Variants in SOS1 observed in about 807,000 individuals in gnomAD.
SOS1 encodes son of sevenless homolog 1.
In SOS1, 25 loss-of-function variants were observed where a neutral mutation model predicts 157.6. The ratio of observed to expected loss-of-function variants is 0.16; its 90% CI spans 0.12 to 0.22. The LOEUF (loss-of-function observed/expected upper bound fraction) is 0.22, where lower values mean the gene tolerates loss of function less well. Among genes scored for constraint, SOS1 ranks in the 10% least tolerant of loss-of-function variants. SOS1 has a pLI of 1.00. For missense variants in SOS1, 1,237 were observed against 1,599.1 expected (o/e 0.77, Z 3.86); for synonymous variants, 528 against 534.0 (o/e 0.99, Z 0.16).
At chr2:39,092,976 A>G (rs1672644108) in intron 1 of SOS1, among the ~76,000 whole-genome samples, 1 of 152,250 alleles carries the variant, frequency 6.6e-6, no homozygotes, top group South Asian at 2.1e-4. Context: ...CAGAAATTTA[A>G]TGAGGCAATA....
chr2:39,040,967 G>A (rs1056663712), intron 6 of SOS1, among the ~76,000 whole-genome samples: 23 of 152,178 alleles, frequency 1.5e-4, no homozygotes, highest in African/African-American at 4.8e-4. Context: ...AGCAAAATAC[G>A]AGGGTCTCAA....
intron 6 of SOS1, among the ~76,000 whole-genome samples, chr2:39,048,328 T>C (rs1271644255): frequency 6.6e-6 from 1 of 152,238 alleles, no homozygotes; most frequent in African/African-American, 2.4e-5. Context: ...ACCTCTGTTG[T>C]TAAAGAGAAA....
In SOS1 at chr2:39,106,689, C is replaced by A. The variant is rs536907214; in HGVS notation, c.87+13647G>T. Among the ~76,000 whole-genome samples the A allele has an allele frequency of 9.2e-5, 14 of 152,194 alleles. No individual in the cohort carries two copies. The South Asian group carries it at 2.1e-3, about 23-fold the overall frequency. On this transcript the variant is annotated intron_variant, in intron 1 of 22. Transcript: ENST00000402219. ...TATTTTCCCATGTATATCTCCACTCCCAACTCCAACAGGAAGTTACCAGAA... is the reference window on the plus strand; with the variant it reads ...TATTTTCCCATGTATATCTCCACTCACAACTCCAACAGGAAGTTACCAGAA...
intron 1 of SOS1, among the ~76,000 whole-genome samples, chr2:39,089,006 T>C (rs773943768): frequency 6.6e-6 from 1 of 152,226 alleles, no homozygotes; most frequent in Non-Finnish European, 1.5e-5. Flanking sequence ...TTTTAAATAA[T>C]AGCCACCCTA....
chr2:39,015,802 C>CTT (rs1054843148), intron 10 of SOS1, among the ~76,000 whole-genome samples: 3,571 of 87,314 alleles, frequency 0.041, 339 homozygotes, highest in African/African-American at 0.15. Flanking sequence ...AATTGTAAAT[C>CTT]TTTTTTTTTT....
Position 39,013,392 on chromosome 2 carries a change from CAATTGAT to C in SOS1, c.2167+61_2167+67del, listed in dbSNP as rs1669529107. On this transcript the variant is annotated intron_variant, in intron 13 of 22. Coordinates refer to ENST00000402219, the MANE Select transcript of SOS1 (RefSeq NM_005633.4). ...TTACATTACTGAGCCCCAATGACAT[CAATTGAT>C]AGTCACCGTGTTGGTACTTTTATTA... 18 of 916,686 alleles carry C rather than the reference CAATTGAT, an allele frequency of 2.0e-5. No individual in the cohort carries two copies. In the South Asian group the frequency reaches 2.4e-4, roughly 12 times the overall value. The allele number at this position is 916,686 out of a possible 1,614,324, so 56.8% of individuals were successfully genotyped here.
chr2:39,016,656 A>G (rs981488785), intron 10 of SOS1, among the ~76,000 whole-genome samples: 12 of 152,110 alleles, frequency 7.9e-5, no homozygotes, highest in Non-Finnish European at 1.5e-4. Flanking sequence ...CCATACCCGC[A>G]GTACAGAGTA....
intron 6 of SOS1, among the ~76,000 whole-genome samples, chr2:39,040,078 C>CTCGG (rs1351546056): frequency 6.6e-6 from 1 of 151,940 alleles, no homozygotes; most frequent in Non-Finnish European, 1.5e-5. Context: ...GTGGCGTGAC[C>CTCGG]TCGGCTCACT....
intron 1 of SOS1, among the ~76,000 whole-genome samples, chr2:39,113,715 C>G (rs900210666): frequency 1.3e-5 from 2 of 152,128 alleles, no homozygotes; most frequent in East Asian, 3.9e-4. Context: ...CCAAACAGTT[C>G]AAGGCAAATC....
At chr2:38,987,871 T>G (rs549749412) in intron 21 of SOS1, 7 of 367,796 alleles carry the variant, frequency 1.9e-5, no homozygotes, top group Non-Finnish European at 3.5e-5. Context: ...TTATTGAAAT[T>G]TTTAATTGAG....
At chr2:39,121,769 A>G (rs1205382550), upstream of SOS1, among the ~76,000 whole-genome samples, 1 of 152,224 alleles carries the variant, frequency 6.6e-6, no homozygotes, top group Non-Finnish European at 1.5e-5. Flanking sequence ...GGGCCTCTAC[A>G]CAGTGTAGAA....
chr2:39,043,292 A>G (rs1305481606), intron 6 of SOS1, among the ~76,000 whole-genome samples: 1 of 152,222 alleles, frequency 6.6e-6, no homozygotes, highest in Non-Finnish European at 1.5e-5. Flanking sequence ...GTCAAACCAC[A>G]TAAGAGTAAA....
intron 8 of SOS1, among the ~76,000 whole-genome samples, chr2:39,032,884 G>A (rs760412771): frequency 2.0e-5 from 3 of 152,004 alleles, no homozygotes; most frequent in South Asian, 2.1e-4. Context: ...AGAATCGCTC[G>A]AAGCTGGGAG....
rs1242634479 is a variant in SOS1, at chr2:38,984,656, TTG to T, written c.*1166_*1167del. 2.6e-5 allele frequency: 4 copies of T among 152,182 alleles called. No homozygotes were observed. The highest frequency in any genetic ancestry group is 2.1e-4 in the South Asian group (1 of 4,834). 9.4% of individuals were successfully genotyped at this position (152,182 alleles called of 1,614,324 possible). ...AAACGTGCTTTTATGTTTAGTGTTTTTGTGTGTTTTTCAACTAAAAGAAATAA... is the reference window on the plus strand; with the variant it reads ...AAACGTGCTTTTATGTTTAGTGTTTTTGTGTTTTTCAACTAAAAGAAATAA... On this transcript the variant is annotated 3_prime_UTR_variant, in exon 23 of 23. Coordinates refer to ENST00000402219, the MANE Select transcript of SOS1 (RefSeq NM_005633.4).
At chr2:38,989,249 T>A in intron 21 of SOS1, 21 bp downstream of exon 21, 3 of 1,551,358 alleles carry the variant, frequency 1.9e-6, no homozygotes, top group Non-Finnish European at 2.7e-6. Flanking sequence ...GAATTATGAG[T>A]CTTAAACCAA....
chr2:39,090,385 G>C (rs1349371407), intron 1 of SOS1, among the ~76,000 whole-genome samples: 1 of 152,046 alleles, frequency 6.6e-6, no homozygotes, highest in Non-Finnish European at 1.5e-5. Context: ...CTTACATACA[G>C]TATTTTTTGT....
intron 1 of SOS1, among the ~76,000 whole-genome samples, chr2:39,084,191 G>A (rs1161065473): frequency 6.6e-6 from 1 of 152,006 alleles, no homozygotes; most frequent in Admixed American, 6.6e-5. Context: ...CTTAGTCTGT[G>A]GTACTTATTA....
intron 9 of SOS1, among the ~76,000 whole-genome samples, chr2:39,023,558 TTAAAA>T (rs1398369812): frequency 1.3e-5 from 2 of 152,024 alleles, no homozygotes; most frequent in African/African-American, 2.4e-5. Context: ...ATCTGAAAGA[TTAAAA>T]TAAATTATTT....
intron 20 of SOS1, chr2:38,992,647 A>C (rs1668769244): frequency 6.6e-6 from 1 of 151,784 alleles, no homozygotes; most frequent in South Asian, 2.1e-4. Context: ...TAGCTACTTA[A>C]ACAAAGAGAA....
Sources: allele counts gnomAD v4.1 joint callset (sites outside exome capture counted in the v4.1 genomes callset), GRCh38; gene constraint gnomAD v4.1.1; transcripts MANE v1.5; gene names NCBI Gene and HGNC (gene_info 2026-07-23, HGNC 2026-07-21).